The following MCCC2 variants were observed in gnomAD, a reference collection of about 807,000 sequenced individuals.
MCCC2 encodes methylcrotonyl-CoA carboxylase subunit 2.
In MCCC2, 52 loss-of-function variants were observed where a neutral mutation model predicts 77.2. The ratio of observed to expected loss-of-function variants is 0.67; its 90% CI spans 0.54 to 0.85. The LOEUF is 0.85. MCCC2 is among the 40% of genes least tolerant of loss of function. The pLI, the probability that MCCC2 is intolerant of heterozygous loss-of-function variation, is 0.00. For missense variants in MCCC2, 682 were observed against 703.2 expected (o/e 0.97, Z 0.34); for synonymous variants, 253 against 248.4 (o/e 1.02, Z -0.18).
At chr5:71,644,155 T>A (rs1262131185) in intron 12 of MCCC2, among the ~76,000 whole-genome samples, 1 of 151,948 alleles carries the variant, frequency 6.6e-6, no homozygotes, top group East Asian at 1.9e-4. Flanking sequence ...TGACGAACCA[T>A]CTGGAGCACT....
Position 71,650,146 on chromosome 5 carries a change from C to A in MCCC2, c.1451C>A (p.Thr484Lys), listed in dbSNP as rs760951983. Residue 484 changes from threonine (T) to lysine (K), a missense_variant, in exon 15 of 17, where the codon ACG (threonine) becomes AAG (lysine). Coordinates refer to ENST00000340941, the MANE Select transcript of MCCC2 (RefSeq NM_022132.5). ...GAGCAGGCAGCCAATGTGTTGGCCACGATAACAAAGGACCAAAGAGCCCGG... is the reference window on the plus strand; with the variant it reads ...GAGCAGGCAGCCAATGTGTTGGCCAAGATAACAAAGGACCAAAGAGCCCGG... Reference protein sequence around the residue: ...GGEQAANVLATITKDQRAREG... With the variant: ...GGEQAANVLAKITKDQRAREG... 2.5e-6 allele frequency: 4 copies of A among 1,614,118 alleles called. No individual in the cohort carries two copies. The South Asian group carries it at 4.4e-5, about 18-fold the overall frequency.
At chr5:71,592,798 G>A in intron 1 of MCCC2, 128 bp from the exon 2 acceptor site, 1 of 741,234 alleles carries the variant, frequency 1.3e-6, no homozygotes, top group Non-Finnish European at 2.4e-6. Flanking sequence ...CAGATGGGGT[G>A]GCCCAGTGTG....
intron 6 of MCCC2, among the ~76,000 whole-genome samples, chr5:71,607,790 G>T (rs1386031743): frequency 6.7e-6 from 1 of 149,494 alleles, no homozygotes; most frequent in African/African-American, 2.5e-5. Flanking sequence ...TGTTCTTGTT[G>T]GTTTCAAAGA....
intron 4 of MCCC2, among the ~76,000 whole-genome samples, chr5:71,601,783 C>G (rs914027002): frequency 3.9e-5 from 6 of 152,184 alleles, no homozygotes; most frequent in African/African-American, 1.2e-4. Flanking sequence ...AAGGGTACCT[C>G]TGACCTTAAG....
Position 71,658,138 on chromosome 5 carries a change from A to C in MCCC2, c.*1278A>C, listed in dbSNP as rs776011522. The C allele has an allele frequency of 3.9e-5, 6 of 152,198 alleles. No individual in the cohort carries two copies. The highest frequency in any genetic ancestry group is 8.8e-5 in the Non-Finnish European group (6 of 68,048). The allele number at this position is 152,198 out of a possible 1,614,324, so 9.4% of individuals were successfully genotyped here. On this transcript the variant is annotated 3_prime_UTR_variant, in exon 17 of 17. Coordinates refer to ENST00000340941, the MANE Select transcript of MCCC2 (RefSeq NM_022132.5). ...TTCAGTGATTTCTTGTAGAAGTGCCAATCCCTGAATGCCACCAAGATCTTA... is the reference window on the plus strand; with the variant it reads ...TTCAGTGATTTCTTGTAGAAGTGCCCATCCCTGAATGCCACCAAGATCTTA...
chr5:71,650,904 C>G (rs1250432468), intron 15 of MCCC2, among the ~76,000 whole-genome samples: 1 of 152,212 alleles, frequency 6.6e-6, no homozygotes, highest in Non-Finnish European at 1.5e-5. Context: ...TCGCCTTGGC[C>G]TCCCAAAGTG....
intron 13 of MCCC2, among the ~76,000 whole-genome samples, chr5:71,648,634 C>T (rs1373378921): frequency 6.6e-6 from 1 of 152,204 alleles, no homozygotes; most frequent in Non-Finnish European, 1.5e-5. Flanking sequence ...ACATTCTTTT[C>T]AGCATCAAGC....
At chr5:71,643,925 TTC>T (rs749302873) in intron 12 of MCCC2, 30 bp downstream of exon 12, 1 of 1,613,298 alleles carries the variant, frequency 6.2e-7, no homozygotes, top group Non-Finnish European at 8.5e-7. Context: ...TTTCAAGATT[TTC>T]TGTTTTAATT....
chr5:71,645,351 G>C (rs985235328), intron 12 of MCCC2, among the ~76,000 whole-genome samples: 1 of 152,166 alleles, frequency 6.6e-6, no homozygotes, highest in East Asian at 1.9e-4. Context: ...AATTCAGATA[G>C]ACTAAAACAT....
At chr5:71,622,891 G>A (rs1461213140) in intron 6 of MCCC2, among the ~76,000 whole-genome samples, 5 of 152,214 alleles carry the variant, frequency 3.3e-5, no homozygotes, top group Non-Finnish European at 7.3e-5. Flanking sequence ...CGGATCATGA[G>A]GTCAGGAGAT....
intron 8 of MCCC2, among the ~76,000 whole-genome samples, chr5:71,632,431 C>T (rs1416778723): frequency 6.6e-6 from 1 of 152,098 alleles, no homozygotes; most frequent in East Asian, 1.9e-4. Flanking sequence ...TCATTGGGCA[C>T]CTGTTATGTA....
intron 8 of MCCC2, among the ~76,000 whole-genome samples, chr5:71,633,091 T>TTATATATATATATATA (rs137979624): frequency 3.9e-4 from 33 of 84,226 alleles, no homozygotes; most frequent in African/African-American, 1.6e-3. Context: ...TTTTTCAGTT[T>TTATATATATATATATA]TATATATATA....
chr5:71,611,560 G>T (rs1233959106), intron 6 of MCCC2, among the ~76,000 whole-genome samples: 2 of 152,136 alleles, frequency 1.3e-5, no homozygotes, highest in Admixed American at 6.6e-5. Context: ...GTCTCAAAAA[G>T]TAGATTGAGT....
intron 6 of MCCC2, among the ~76,000 whole-genome samples, chr5:71,609,748 T>C (rs971967964): frequency 1.4e-4 from 21 of 152,116 alleles, no homozygotes; most frequent in Non-Finnish European, 2.2e-4. Context: ...GGGTTTTTGG[T>C]GTGGATGTCC....
chr5:71,633,125 A>ATTTTTTTTTTTTTTTT (rs1398247533), intron 8 of MCCC2, among the ~76,000 whole-genome samples: 13 of 42,868 alleles, frequency 3.0e-4, no homozygotes, highest in African/African-American at 9.7e-4. Context: ...ATATATATAT[A>ATTTTTTTTTTTTTTTT]TATATATTTT....
In MCCC2 at chr5:71,633,131, A is replaced by ATTTTTTTTTTTTT. The variant is rs1306338509; in HGVS notation, c.803+951_803+952insTTTTTTTTTTTTT. Among the ~76,000 whole-genome samples, 101 of 78,010 alleles carry ATTTTTTTTTTTTT rather than the reference A, an allele frequency of 1.3e-3. 2 individuals are homozygous for ATTTTTTTTTTTTT. Among genetic ancestry groups the ATTTTTTTTTTTTT allele is most frequent in the East Asian group, 9.8e-3 (20 of 2,044 alleles). 51.2% of individuals were successfully genotyped at this position (78,010 alleles called of 152,430 possible). On this transcript the variant is annotated intron_variant, in intron 8 of 16. Transcript: ENST00000340941. The stretch of plus-strand genomic sequence containing the variant: ...TATATATATATATATATATATATAT[A>ATTTTTTTTTTTTT]TTTTTATTTTTTGTAGAAACAGGTG...
intron 11 of MCCC2, 130 bp downstream of exon 11, chr5:71,641,205 T>A: frequency 1.3e-6 from 1 of 790,602 alleles, no homozygotes; most frequent in South Asian, 1.5e-5. Flanking sequence ...TGTGAGCCAC[T>A]TTTAAAAGGA....
In MCCC2 at chr5:71,656,939, A is replaced by T; in HGVS notation, c.*79A>T. On this transcript the variant is annotated 3_prime_UTR_variant, in exon 17 of 17. Transcript: ENST00000340941. The stretch of plus-strand genomic sequence containing the variant: ...TAGCCTTAAAATTTTAGACTTCTCG[A>T]ACATGAGGCTGTTACAGTAATTTTT... 2.8e-6 allele frequency: 3 copies of T among 1,057,428 alleles called. No individual in the cohort carries two copies. Among genetic ancestry groups the T allele is most frequent in the Non-Finnish European group, 4.4e-6 (3 of 676,744 alleles). The allele number at this position is 1,057,428 out of a possible 1,614,324, so 65.5% of individuals were successfully genotyped here.
intron 6 of MCCC2, among the ~76,000 whole-genome samples, chr5:71,612,051 G>A (rs1028194718): frequency 2.0e-5 from 3 of 151,976 alleles, no homozygotes; most frequent in East Asian, 1.9e-4. Context: ...TGATCCGCCC[G>A]CCTCGGCCTC....
Sources: gnomAD v4.1 joint callset for allele counts (sites outside exome capture counted in the v4.1 genomes callset) on GRCh38, gnomAD v4.1.1 for gene constraint, MANE v1.5 for transcripts, NCBI Gene and HGNC (gene_info 2026-07-23, HGNC 2026-07-21) for gene names.